The following LRRC4C variants were observed in gnomAD, a reference collection of about 807,000 sequenced individuals.
LRRC4C encodes the protein leucine-rich repeat-containing protein 4C.
In LRRC4C, 5 loss-of-function variants were observed where a neutral mutation model predicts 33.6. The observed-to-expected ratio is 0.15, with a 90% CI of 0.08 to 0.31. The LOEUF is 0.31. LRRC4C is among the 10% of genes least tolerant of loss of function. The pLI is 1.00. For synonymous variants in LRRC4C, 329 were observed against 302.0 expected (o/e 1.09, Z -0.93); for missense variants, 560 against 796.7 (o/e 0.70, Z 3.58).
chr11:41,232,672 T>C (rs576843991), intron 1 of LRRC4C, among the ~76,000 whole-genome samples: 1 of 151,612 alleles, frequency 6.6e-6, no homozygotes, highest in Non-Finnish European at 1.5e-5. Context: ...TACAAAATAA[T>C]TCACTTATGA....
At chr11:40,503,434 C>T (rs937054280) in intron 3 of LRRC4C, among the ~76,000 whole-genome samples, 1 of 152,160 alleles carries the variant, frequency 6.6e-6, no homozygotes, top group Admixed American at 6.6e-5. Context: ...GTATTGAGCT[C>T]CTTAAACATA....
chr11:40,988,673 G>C (rs559443606), intron 1 of LRRC4C, among the ~76,000 whole-genome samples: 1 of 149,534 alleles, frequency 6.7e-6, no homozygotes, highest in Non-Finnish European at 1.5e-5. Context: ...ACCTGTTCCA[G>C]TGCAAACAAC....
chr11:40,486,477 A>C (rs114116798), intron 3 of LRRC4C, among the ~76,000 whole-genome samples: 1,738 of 152,198 alleles, frequency 0.011, 36 homozygotes, highest in African/African-American at 0.039. Flanking sequence ...AGTATGATGC[A>C]TGGGCTTAAC....
chr11:41,360,143 A>G (rs1270497673), intron 1 of LRRC4C, among the ~76,000 whole-genome samples: 1 of 152,188 alleles, frequency 6.6e-6, no homozygotes, highest in South Asian at 2.1e-4. Flanking sequence ...AGATCGCGCC[A>G]CTGCACTCCA....
At chr11:40,489,834 A>G (rs1027571359) in intron 3 of LRRC4C, among the ~76,000 whole-genome samples, 4 of 152,160 alleles carry the variant, frequency 2.6e-5, no homozygotes, top group African/African-American at 9.7e-5. Context: ...GATTTTGTAA[A>G]ATACTTCTCC....
chr11:40,114,913 C>T lies in LRRC4C; in HGVS notation c.1380G>A (p.Glu460=). 1 of 1,614,166 alleles carries T rather than the reference C, an allele frequency of 6.2e-7. No individual in the cohort carries two copies. Among genetic ancestry groups the T allele is most frequent in the Non-Finnish European group, 8.5e-7 (1 of 1,180,038 alleles). Residue 460 remains glutamate (E), a synonymous_variant, in exon 7 of 7, where the codon GAG becomes GAA. Coordinates refer to ENST00000528697, the MANE Select transcript of LRRC4C (RefSeq NM_001258419.2). ...CCTCATCCTGAGACGGTTCCATAGT[C>T]TCTACTGTGACGGTTGAAAAGTAAG... ...PFSYFSTVTV[E]TMEPSQDEAR...
intron 1 of LRRC4C, among the ~76,000 whole-genome samples, chr11:41,249,172 C>A (rs1948554396): frequency 2.6e-5 from 4 of 151,894 alleles, no homozygotes. Context: ...GTACCTGGGA[C>A]TACAGGCACC....
At chr11:40,948,855 T>A (rs112187091) in intron 1 of LRRC4C, among the ~76,000 whole-genome samples, 1 of 149,994 alleles carries the variant, frequency 6.7e-6, no homozygotes. Flanking sequence ...TATAGTAGCA[T>A]GATTTATAGT....
intron 3 of LRRC4C, among the ~76,000 whole-genome samples, chr11:40,556,235 C>T (rs1453332187): frequency 6.6e-6 from 1 of 152,164 alleles, no homozygotes; most frequent in Non-Finnish European, 1.5e-5. Context: ...TTTTGCCTTT[C>T]TGACATGTAT....
At chr11:41,077,140 G>T (rs1288688434) in intron 1 of LRRC4C, among the ~76,000 whole-genome samples, 1 of 152,186 alleles carries the variant, frequency 6.6e-6, no homozygotes, top group Non-Finnish European at 1.5e-5. Context: ...TGCTTTCATG[G>T]GTTGGTGTTC....
At chr11:40,367,965 C>T (rs569305843) in intron 3 of LRRC4C, among the ~76,000 whole-genome samples, 4 of 152,120 alleles carry the variant, frequency 2.6e-5, no homozygotes, top group African/African-American at 9.6e-5. Flanking sequence ...TCCAAAATTC[C>T]AGATATTGAT....
Position 40,130,710 on chromosome 11 carries a change from T to C in LRRC4C, c.-43+10091A>G, listed in dbSNP as rs373174935. On this transcript the variant is annotated intron_variant, in intron 6 of 6. Transcript: ENST00000528697. ...TGAAAACCACTGCCTTTGTGTGACA[T>C]GTAAGCCCCTCCATAGTGCTGTGCC... 5.6e-4 allele frequency among the ~76,000 whole-genome samples: 85 copies of C among 152,296 alleles called. 2 individuals carry two copies. The South Asian group carries it at 0.016, about 29-fold the overall frequency.
intron 3 of LRRC4C, among the ~76,000 whole-genome samples, chr11:40,346,617 G>A (rs1298358423): frequency 6.6e-6 from 1 of 152,022 alleles, no homozygotes; most frequent in African/African-American, 2.4e-5. Context: ...TTAATACCTG[G>A]GTGATGAAAT....
intron 4 of LRRC4C, among the ~76,000 whole-genome samples, chr11:40,288,160 A>G (rs1943968486): frequency 6.6e-6 from 1 of 152,238 alleles, no homozygotes; most frequent in African/African-American, 2.4e-5. Flanking sequence ...TAAATGATGC[A>G]TGTAACACAC....
intron 2 of LRRC4C, among the ~76,000 whole-genome samples, chr11:40,671,126 A>T (rs1183901704): frequency 3.3e-5 from 5 of 152,150 alleles, no homozygotes; most frequent in African/African-American, 1.2e-4. Flanking sequence ...GTAGCGTTTT[A>T]AAAAAGTATG....
chr11:40,152,200 G>A (rs1184871170), intron 5 of LRRC4C, among the ~76,000 whole-genome samples: 1 of 152,208 alleles, frequency 6.6e-6, no homozygotes, highest in Non-Finnish European at 1.5e-5. Context: ...GAAGCTGAAG[G>A]TCTGTTTGCG....
At chr11:41,225,942 G>A (rs1947515462) in intron 1 of LRRC4C, among the ~76,000 whole-genome samples, 1 of 152,086 alleles carries the variant, frequency 6.6e-6, no homozygotes, top group Non-Finnish European at 1.5e-5. Context: ...AGCTCACCAT[G>A]TGTCATTTAA....
At chr11:41,052,594 A>C (rs1858315598) in intron 1 of LRRC4C, among the ~76,000 whole-genome samples, 1 of 151,744 alleles carries the variant, frequency 6.6e-6, no homozygotes, top group Admixed American at 6.6e-5. Flanking sequence ...AGCAAGTTAT[A>C]TATCTTAATT....
chr11:40,954,656 C>A (rs1592179394), intron 1 of LRRC4C, among the ~76,000 whole-genome samples: 1 of 151,950 alleles, frequency 6.6e-6, no homozygotes, highest in East Asian at 1.9e-4. Flanking sequence ...CCAAATTATT[C>A]CATTATGTAA....
Sources: gnomAD v4.1 joint callset for allele counts (sites outside exome capture counted in the v4.1 genomes callset) on GRCh38, gnomAD v4.1.1 for gene constraint, MANE v1.5 for transcripts, NCBI Gene and HGNC (gene_info 2026-07-23, HGNC 2026-07-21) for gene names.